Variants in EIF2AK4 observed in about 807,000 individuals in gnomAD.
The protein encoded by EIF2AK4 is eIF-2-alpha kinase GCN2.
A neutral mutation model predicts 211.1 loss-of-function variants in EIF2AK4; 139 were observed. That is an observed-to-expected ratio of 0.66 (90% CI 0.57 to 0.76). The LOEUF (loss-of-function observed/expected upper bound fraction) is 0.76, where lower values mean the gene tolerates loss of function less well. Among genes scored for constraint, EIF2AK4 ranks in the 30% least tolerant of loss-of-function variants. EIF2AK4 has a pLI of 0.00. For synonymous variants in EIF2AK4, 710 were observed against 751.3 expected (o/e 0.94, Z 0.90); for missense variants, 1,664 against 2,043.8 (o/e 0.81, Z 3.58).
In EIF2AK4 at chr15:40,001,052, T is replaced by C; in HGVS notation, c.2987T>C (p.Leu996Pro). ...AAACGGCCCACAGCCACAGAACTGC[T>C]CAAGAGTGAGCTGCTGCCCCCACCC... ...PAKRPTATEL[L>P]KSELLPPPQM... is the part of the protein sequence containing the mutation. The change falls in exon 21 of 39, where the codon CTC becomes CCC. Residue 996 changes from leucine (L) to proline (P), a missense_variant. Physicochemically the swap from Leu to Pro is moderately conservative, Grantham distance 98. Coordinates refer to ENST00000263791, the MANE Select transcript of EIF2AK4 (RefSeq NM_001013703.4). 1 of 1,614,154 alleles carries C rather than the reference T, an allele frequency of 6.2e-7. No homozygotes were observed. Among genetic ancestry groups the C allele is most frequent in the East Asian group, 2.2e-5 (1 of 44,882 alleles).
chr15:40,032,486 G>A (rs1022897409), intron 36 of EIF2AK4, among the ~76,000 whole-genome samples: 10 of 152,194 alleles, frequency 6.6e-5, no homozygotes, highest in African/African-American at 2.4e-4. Context: ...ACATATATCA[G>A]GCCTTTGCCT....
chr15:40,000,825 A>AT (rs2140933927), intron 20 of EIF2AK4, among the ~76,000 whole-genome samples, 163 bp from the exon 21 acceptor site: 1 of 139,056 alleles, frequency 7.2e-6, no homozygotes, highest in African/African-American at 2.6e-5. Flanking sequence ...TGGTCATAAT[A>AT]AAGCAGAAAA....
chr15:39,966,878 CATGTGAGGTTCTGAGG>C (rs2034551518), intron 8 of EIF2AK4, among the ~76,000 whole-genome samples: 1 of 151,996 alleles, frequency 6.6e-6, no homozygotes, highest in Admixed American at 6.6e-5. Flanking sequence ...TCCTCTTTGC[CATGTGAGGTTCTGAGG>C]ATTAGGATGT....
rs774446951 is a variant in EIF2AK4 at position 39,967,451 on chromosome 15, G to A, written c.1125G>A (p.Val375=). The A allele has an allele frequency of 4.3e-6, 7 of 1,613,950 alleles. No homozygotes were observed. In the Admixed American group the frequency reaches 1.2e-4, roughly 27 times the overall value. The change falls in exon 9 of 39, where the codon GTG becomes GTA. Residue 375 remains valine (V), a synonymous_variant. Transcript: ENST00000263791. The part of the protein sequence containing the change: ...NLKEQDDSIV[V]DILVEHISGV... ...AAGAGCAAGACGACTCCATCGTGGT[G>A]GACATTTTAGTGGAGCACATTAGTG...
intron 6 of EIF2AK4, among the ~76,000 whole-genome samples, chr15:39,960,989 A>G (rs1371134435): frequency 1.3e-5 from 2 of 152,198 alleles, no homozygotes; most frequent in Admixed American, 6.5e-5. Context: ...AGTGTTTCTG[A>G]TAAGTGTTCA....
chr15:40,025,833 T>C, intron 32 of EIF2AK4, 144 bp from the exon 33 acceptor site: 1 of 691,082 alleles, frequency 1.4e-6, no homozygotes, highest in Non-Finnish European at 2.4e-6. Context: ...CAGACATTGC[T>C]AAATGTCCCC....
At chr15:40,032,693 A>G in intron 36 of EIF2AK4, 64 bp from the exon 37 acceptor site, 1 of 1,479,610 alleles carries the variant, frequency 6.8e-7, no homozygotes, top group East Asian at 2.3e-5. Flanking sequence ...ATTTCACGTG[A>G]CACTATGGTC....
At chr15:39,961,653 A>T (rs936498055) in intron 6 of EIF2AK4, 131 bp from the exon 7 acceptor site, 22 of 668,778 alleles carry the variant, frequency 3.3e-5, no homozygotes, top group Non-Finnish European at 5.3e-5. Context: ...GAGTGGGCTA[A>T]TAAACAGTAA....
chr15:39,984,836 C>A lies in EIF2AK4; in HGVS notation c.2320-969C>A, dbSNP rs187375243. On this transcript the variant is annotated intron_variant, in intron 13 of 38. Transcript: ENST00000263791. ...ACTTCCTCTCTTTCTATTTTAATAC[C>A]CTTTATTTCTTTCTCTTGCCTGATT... is the stretch of plus-strand genomic sequence containing the variant. 4.1e-3 allele frequency among the ~76,000 whole-genome samples: 625 copies of A among 152,218 alleles called. 7 individuals are homozygous for A. Among genetic ancestry groups the A allele is most frequent in the Middle Eastern group, 0.014 (4 of 294 alleles).
chr15:40,016,447 A>C lies in EIF2AK4; in HGVS notation c.3760-55A>C, dbSNP rs73390625. On this transcript the variant is annotated intron_variant, in intron 27 of 38. Coordinates refer to ENST00000263791, the MANE Select transcript of EIF2AK4 (RefSeq NM_001013703.4). ...CTGCAGGTGCACACAGTCGGTGCAA[A>C]GGGAGTCTTCCCCTGCTGTGGATGG... The C allele has an allele frequency of 3.0e-3, 4,867 of 1,608,258 alleles. 150 individuals are homozygous for C. In the African/African-American group the frequency reaches 0.058, roughly 19 times the overall value.
intron 1 of EIF2AK4, among the ~76,000 whole-genome samples, chr15:39,936,679 G>A (rs1436078960): frequency 6.6e-6 from 1 of 152,152 alleles, no homozygotes; most frequent in Non-Finnish European, 1.5e-5. Flanking sequence ...AAAGTCCTGG[G>A]ATTACAGGTG....
Position 39,934,229 on chromosome 15 carries a change from C to G in EIF2AK4, c.34C>G (p.Arg12Gly). 3 of 1,598,342 alleles carry G rather than the reference C, an allele frequency of 1.9e-6. No individual in the cohort carries two copies. Among genetic ancestry groups the G allele is most frequent in the Non-Finnish European group, 2.6e-6 (3 of 1,173,438 alleles). ...GGGCCGTGGGGCCCCCGGGCGCGGC[C>G]GGGACGAGCCTCCGGAGAGCTACCC... ...AGGRGAPGRGRDEPPESYPQR... is the reference protein window; with the variant it reads ...AGGRGAPGRGGDEPPESYPQR... Residue 12 changes from arginine (R) to glycine (G), a missense_variant, in exon 1 of 39, where the codon CGG (arginine) becomes GGG (glycine). Arg to Gly is a moderately radical substitution (Grantham distance 125, BLOSUM62 -2). Transcript: ENST00000263791.
chr15:39,961,609 A>G (rs895102215), intron 6 of EIF2AK4, among the ~76,000 whole-genome samples, 175 bp from the exon 7 acceptor site: 1 of 152,180 alleles, frequency 6.6e-6, no homozygotes, highest in African/African-American at 2.4e-5. Flanking sequence ...AGCACCGCCT[A>G]CTCAATTCCC....
rs525910 is a variant in EIF2AK4, at chr15:39,939,299, A to G, written c.145-206A>G. ...TGGAACATTTTGGTTCATTCCTTAG[A>G]TAACTTAAAAAAGGAAAGTGCATTT... is the stretch of plus-strand genomic sequence containing the variant. On this transcript the variant is annotated intron_variant, in intron 1 of 38. Transcript: ENST00000263791. 0.34 allele frequency among the ~76,000 whole-genome samples: 52,271 copies of G among 152,088 alleles called. 10,118 individuals are homozygous for G. The highest frequency in any genetic ancestry group is 0.81 in the East Asian group (4,169 of 5,174).
chr15:39,959,930 A>G (rs112718637), intron 6 of EIF2AK4, among the ~76,000 whole-genome samples: 14,266 of 152,154 alleles, frequency 0.094, 923 homozygotes, highest in Non-Finnish European at 0.14. Flanking sequence ...TTGGGAGGCC[A>G]AGGCGGGCAG....
In EIF2AK4 at chr15:39,965,682, G is replaced by A. The variant is rs755287555; in HGVS notation, c.860-4G>A. The stretch of plus-strand genomic sequence containing the variant: ...TTTAATTACACTTTCTGTTTAATGT[G>A]CAGGCAGTGATGAACAACTTGGAAA... On this transcript the variant is annotated splice_region_variant and splice_polypyrimidine_tract_variant and intron_variant, in intron 7 of 38. Coordinates refer to ENST00000263791, the MANE Select transcript of EIF2AK4 (RefSeq NM_001013703.4). 4 of 1,613,320 alleles carry A rather than the reference G, an allele frequency of 2.5e-6. No homozygotes were observed. In the African/African-American group the frequency reaches 5.3e-5, roughly 22 times the overall value.
intron 12 of EIF2AK4, chr15:39,977,531 T>G (rs1030033658): frequency 6.6e-6 from 1 of 152,176 alleles, no homozygotes; most frequent in African/African-American, 2.4e-5. Flanking sequence ...GGACCCCTAA[T>G]CTAAAGGATT....
At chr15:40,024,403 CTTTTTTTTT>C (rs554877205) in intron 32 of EIF2AK4, among the ~76,000 whole-genome samples, 1 of 90,744 alleles carries the variant, frequency 1.1e-5, no homozygotes, top group Non-Finnish European at 2.1e-5. Flanking sequence ...TTGAGTTTTC[CTTTTTTTTT>C]TTTTTTTTTT....
intron 6 of EIF2AK4, among the ~76,000 whole-genome samples, chr15:39,956,650 T>C (rs1053960626): frequency 3.9e-5 from 6 of 152,206 alleles, no homozygotes; most frequent in Admixed American, 6.5e-5. Context: ...ATTCCAACTT[T>C]GCTCTCTATT....
Sources: allele counts gnomAD v4.1 joint callset (sites outside exome capture counted in the v4.1 genomes callset), GRCh38; gene constraint gnomAD v4.1.1; transcripts MANE v1.5; gene names NCBI Gene and HGNC (gene_info 2026-07-23, HGNC 2026-07-21).